Variants in KLF7 observed in about 807,000 individuals in gnomAD.
The protein encoded by KLF7 is Krueppel-like factor 7.
In KLF7, 2 loss-of-function variants were observed where a neutral mutation model predicts 27.3. The observed-to-expected ratio is 0.07, with a 90% CI of 0.03 to 0.23. The LOEUF (loss-of-function observed/expected upper bound fraction) is 0.23. Among genes scored for constraint, KLF7 ranks in the 10% least tolerant of loss-of-function variants. KLF7 has a pLI of 1.00. For missense variants in KLF7, 221 were observed against 394.1 expected, an observed-to-expected ratio of 0.56 and a Z score of 3.72; for synonymous variants, 165 against 162.4, an observed-to-expected ratio of 1.02 and a Z score of -0.12.
intron 3 of KLF7, among the ~76,000 whole-genome samples, chr2:207,085,821 C>T (rs1477002699): frequency 2.0e-5 from 3 of 152,162 alleles, no homozygotes; most frequent in Non-Finnish European, 4.4e-5. Flanking sequence ...ACAGTGGAAA[C>T]ATAGTCATCA....
chr2:207,162,170 TAA>T (rs111767475), intron 1 of KLF7, among the ~76,000 whole-genome samples: 1 of 151,282 alleles, frequency 6.6e-6, no homozygotes, highest in Non-Finnish European at 1.5e-5. Context: ...GCAGTGTGTC[TAA>T]AAAAAAAGAT....
intron 1 of KLF7, among the ~76,000 whole-genome samples, chr2:207,137,886 T>C (rs967126113): frequency 6.6e-6 from 1 of 152,208 alleles, no homozygotes; most frequent in Non-Finnish European, 1.5e-5. Context: ...TGTTCCATCA[T>C]GTAAAGAAAA....
intron 1 of KLF7, among the ~76,000 whole-genome samples, chr2:207,140,014 G>A (rs1482637230): frequency 1.3e-5 from 2 of 152,058 alleles, no homozygotes; most frequent in African/African-American, 2.4e-5. Context: ...TCAGCCTTCC[G>A]AATAGCTGGG....
At chr2:207,138,692 T>A (rs185904921) in intron 1 of KLF7, among the ~76,000 whole-genome samples, 15 of 152,318 alleles carry the variant, frequency 9.8e-5, no homozygotes, top group African/African-American at 3.6e-4. Context: ...AGTGCCCTAC[T>A]TACTAGAATA....
At chr2:207,122,204 G>C (rs1190019859) in intron 2 of KLF7, among the ~76,000 whole-genome samples, 3 of 152,210 alleles carry the variant, frequency 2.0e-5, no homozygotes, top group African/African-American at 7.2e-5. Flanking sequence ...TGTATGTGGA[G>C]TGGTGAACTG....
intron 2 of KLF7, among the ~76,000 whole-genome samples, chr2:207,091,982 GCTTT>G (rs1030256000): frequency 2.0e-5 from 3 of 151,060 alleles, no homozygotes; most frequent in Admixed American, 1.3e-4. Context: ...AAAAAGAAAG[GCTTT>G]CTTTATGAGA....
chr2:207,142,825 C>T (rs1262232001), intron 1 of KLF7, among the ~76,000 whole-genome samples: 2 of 152,180 alleles, frequency 1.3e-5, no homozygotes, highest in Admixed American at 6.5e-5. Context: ...GAAATGCATG[C>T]CCTCGGGCCT....
At chr2:207,108,035 T>C (rs1484978610) in intron 2 of KLF7, among the ~76,000 whole-genome samples, 1 of 152,224 alleles carries the variant, frequency 6.6e-6, no homozygotes, top group Non-Finnish European at 1.5e-5. Context: ...TTGTGGTAAT[T>C]GATCCCACAA....
In KLF7 at chr2:207,089,461, T is replaced by A. The variant is rs548875629; in HGVS notation, c.734-880A>T. 3.9e-5 allele frequency among the ~76,000 whole-genome samples: 6 copies of A among 152,296 alleles called. No individual in the cohort carries two copies. The South Asian group carries it at 8.3e-4, about 21-fold the overall frequency. ...ATGACTTTGCCTTAGACCTTTTTTT[T>A]AACTCATCATGTCTGTCACCAAACA... On this transcript the variant is annotated intron_variant, in intron 2 of 3. Coordinates refer to ENST00000309446, the MANE Select transcript of KLF7 (RefSeq NM_003709.4).
chr2:207,094,503 C>A (rs1213197933), intron 2 of KLF7, among the ~76,000 whole-genome samples: 2 of 152,228 alleles, frequency 1.3e-5, no homozygotes, highest in African/African-American at 2.4e-5. Flanking sequence ...TGAGTTAATA[C>A]TGCTGCCTAA....
chr2:207,089,295 G>A (rs1229340924), intron 2 of KLF7, among the ~76,000 whole-genome samples: 1 of 152,214 alleles, frequency 6.6e-6, no homozygotes, highest in Non-Finnish European at 1.5e-5. Flanking sequence ...ATACATTATT[G>A]TAAAATATTT....
intron 1 of KLF7, among the ~76,000 whole-genome samples, chr2:207,143,078 C>G (rs2077989487): frequency 6.6e-6 from 1 of 152,140 alleles, no homozygotes; most frequent in Non-Finnish European, 1.5e-5. Flanking sequence ...CAGACTGATA[C>G]TCCCAATTTA....
intron 2 of KLF7, among the ~76,000 whole-genome samples, chr2:207,104,060 A>T (rs927941498): frequency 2.0e-5 from 3 of 152,190 alleles, no homozygotes; most frequent in African/African-American, 7.2e-5. Context: ...ACCATCAAAG[A>T]CGTCAAGCCC....
intron 1 of KLF7, 103 bp downstream of exon 1, chr2:207,165,364 G>T (rs1166703561): frequency 2.0e-6 from 3 of 1,513,326 alleles, no homozygotes; most frequent in Non-Finnish European, 2.7e-6. Flanking sequence ...AGAAAAAAAA[G>T]TCAAACAAAC....
At chr2:207,133,605 C>G (rs1298392064) in intron 1 of KLF7, among the ~76,000 whole-genome samples, 1 of 152,156 alleles carries the variant, frequency 6.6e-6, no homozygotes, top group African/African-American at 2.4e-5. Flanking sequence ...GTTTTCTTGA[C>G]GAGCGCTTGT....
chr2:207,123,622 G>A, intron 2 of KLF7, 152 bp downstream of exon 2: 4 of 770,576 alleles, frequency 5.2e-6, no homozygotes, highest in Non-Finnish European at 8.4e-6. Flanking sequence ...TAACAAGTGA[G>A]TCATTCTTTG....
At chr2:207,164,509 C>A (rs1264985332) in intron 1 of KLF7, among the ~76,000 whole-genome samples, 2 of 150,002 alleles carry the variant, frequency 1.3e-5, no homozygotes, top group African/African-American at 4.9e-5. Flanking sequence ...CTAATCGCTG[C>A]TGAAAAAAAC....
chr2:207,078,578 G>A lies in KLF7; in HGVS notation c.*2635C>T, dbSNP rs1574402717. The A allele has an allele frequency of 6.6e-6, 1 of 152,256 alleles. No homozygotes were observed. Among genetic ancestry groups the A allele is most frequent in the African/African-American group, 2.4e-5 (1 of 41,452 alleles). The allele number at this position is 152,256 out of a possible 1,614,324, so 9.4% of individuals were successfully genotyped here. A position where few individuals can be genotyped will look rare whatever the true frequency, so the allele number is the denominator to read the frequency against. ...AGGCAAGAGCAGCTCCAGCTTGGGA[G>A]AGAACATTTGCAAATCGTGGTGGCC... On this transcript the variant is annotated 3_prime_UTR_variant, in exon 4 of 4. Coordinates refer to ENST00000309446, the MANE Select transcript of KLF7 (RefSeq NM_003709.4).
chr2:207,150,997 TAAAA>T (rs34218929), intron 1 of KLF7, among the ~76,000 whole-genome samples: 1 of 90,342 alleles, frequency 1.1e-5, no homozygotes, highest in African/African-American at 4.3e-5. Context: ...TTCTCTTTAT[TAAAA>T]AAAAAAAAAA....
Sources: allele counts gnomAD v4.1 joint callset (sites outside exome capture counted in the v4.1 genomes callset), GRCh38; gene constraint gnomAD v4.1.1; transcripts MANE v1.5; gene names NCBI Gene and HGNC (gene_info 2026-07-23, HGNC 2026-07-21).